The following TFEC variants were observed in gnomAD, a reference collection of about 807,000 sequenced individuals.
TFEC encodes the protein transcription factor EC.
Under a neutral mutation model 41.6 loss-of-function variants are expected in TFEC, and 31 were observed. The ratio of observed to expected loss-of-function variants is 0.74; its 90% CI spans 0.56 to 1.01. The LOEUF is 1.01. Ranked by LOEUF, TFEC falls within the 50% of genes least tolerant of loss-of-function variation. The pLI is 0.00. For synonymous variants in TFEC, 143 were observed against 140.6 expected (o/e 1.02, Z -0.12); for missense variants, 402 against 404.1 (o/e 0.99, Z 0.04).
chr7:116,064,012 A>G (rs1796633860), intron 3 of TFEC, among the ~76,000 whole-genome samples: 1 of 152,214 alleles, frequency 6.6e-6, no homozygotes. Flanking sequence ...TCTCACTTAT[A>G]TAGAAGATCT....
chr7:115,947,243 G>A (rs918666199), intron 6 of TFEC, among the ~76,000 whole-genome samples: 1 of 151,588 alleles, frequency 6.6e-6, no homozygotes, highest in African/African-American at 2.4e-5. Flanking sequence ...TACAAAGGAT[G>A]TGAACTCATC....
Position 115,940,491 on chromosome 7 carries a change from T to C in TFEC, c.*60A>G. On this transcript the variant is annotated 3_prime_UTR_variant, in exon 8 of 8. Transcript: ENST00000265440. ...AAAGCAACATATGAAACACAGAGCATAATTGCATAGCACCAGCATAGAATT... is the reference window on the plus strand; with the variant it reads ...AAAGCAACATATGAAACACAGAGCACAATTGCATAGCACCAGCATAGAATT... The C allele has an allele frequency of 1.3e-6, 2 of 1,522,278 alleles. No homozygotes were observed. The highest frequency in any genetic ancestry group is 1.8e-6 in the Non-Finnish European group (2 of 1,131,788). The allele number at this position is 1,522,278 out of a possible 1,614,324, so 94.3% of individuals were successfully genotyped here.
At chr7:116,148,631 AAAG>A (rs1349185962) in intron 1 of TFEC, among the ~76,000 whole-genome samples, 1 of 152,196 alleles carries the variant, frequency 6.6e-6, no homozygotes, top group Non-Finnish European at 1.5e-5. Flanking sequence ...TACTGGAAAA[AAAG>A]AAGGGATCTT....
intron 5 of TFEC, 58 bp downstream of exon 5, chr7:115,954,528 C>G: frequency 6.8e-7 from 1 of 1,460,010 alleles, no homozygotes; most frequent in South Asian, 1.2e-5. Flanking sequence ...AGACCACACA[C>G]CTTAACCTCT....
intron 3 of TFEC, among the ~76,000 whole-genome samples, chr7:116,044,006 C>T (rs1796100841): frequency 6.6e-6 from 1 of 152,096 alleles, no homozygotes; most frequent in Non-Finnish European, 1.5e-5. Context: ...TCTCAGCTGC[C>T]ATGTAATTCT....
intron 1 of TFEC, among the ~76,000 whole-genome samples, chr7:116,008,744 T>G (rs1293927747): frequency 6.6e-6 from 1 of 152,174 alleles, no homozygotes; most frequent in Non-Finnish European, 1.5e-5. Flanking sequence ...AAACTTAAAT[T>G]ATACAGTCGA....
At chr7:116,151,431 T>G (rs1798758594) in intron 1 of TFEC, among the ~76,000 whole-genome samples, 1 of 151,780 alleles carries the variant, frequency 6.6e-6, no homozygotes, top group African/African-American at 2.4e-5. Flanking sequence ...TTAGTATAGA[T>G]GGGGTTTCAT....
chr7:115,968,374 G>T (rs893797329), intron 3 of TFEC: 4 of 1,338,842 alleles, frequency 3.0e-6, no homozygotes, highest in African/African-American at 3.0e-5. Flanking sequence ...ATTGACAAAA[G>T]CTTGCTCACT....
At chr7:116,104,026 T>C (rs981934905) in intron 3 of TFEC, among the ~76,000 whole-genome samples, 3 of 152,136 alleles carry the variant, frequency 2.0e-5, no homozygotes, top group African/African-American at 7.2e-5. Flanking sequence ...TGTTTCAAGA[T>C]AAGTAAAAGG....
chr7:116,057,732 A>G (rs1478546951), intron 3 of TFEC, among the ~76,000 whole-genome samples: 3 of 151,840 alleles, frequency 2.0e-5, no homozygotes, highest in Non-Finnish European at 2.9e-5. Flanking sequence ...AGTAAGATTA[A>G]CGAAAAAATA....
chr7:115,954,105 G>C (rs1439275519), intron 5 of TFEC, among the ~76,000 whole-genome samples: 1 of 151,944 alleles, frequency 6.6e-6, no homozygotes, highest in Non-Finnish European at 1.5e-5. Context: ...CCTTAGGAAG[G>C]CATGAGGGCT....
At chr7:116,062,225 CTTTTTTTTTTTTT>C (rs569480964) in intron 3 of TFEC, among the ~76,000 whole-genome samples, 10 of 51,902 alleles carry the variant, frequency 1.9e-4, no homozygotes, top group African/African-American at 6.7e-4. Context: ...CATGCCTGGC[CTTTTTTTTTTTTT>C]TTTTTTTTTT....
intron 3 of TFEC, among the ~76,000 whole-genome samples, chr7:116,037,693 T>A (rs780000544): frequency 2.6e-5 from 4 of 151,986 alleles, no homozygotes; most frequent in Non-Finnish European, 5.9e-5. Context: ...ATTTAATAAC[T>A]ACAAATTATC....
chr7:116,002,571 A>G (rs914495660), intron 1 of TFEC, among the ~76,000 whole-genome samples: 1 of 152,164 alleles, frequency 6.6e-6, no homozygotes, highest in Non-Finnish European at 1.5e-5. Flanking sequence ...GGATACCAAC[A>G]TATCATTAGA....
intron 1 of TFEC, among the ~76,000 whole-genome samples, chr7:116,030,179 T>C (rs547208904): frequency 1.3e-4 from 20 of 152,324 alleles, no homozygotes; most frequent in African/African-American, 4.6e-4. Context: ...TATATGCTAA[T>C]ATACTATCTG....
chr7:116,018,510 G>T (rs909786025), intron 1 of TFEC, among the ~76,000 whole-genome samples: 1 of 152,156 alleles, frequency 6.6e-6, no homozygotes, highest in East Asian at 1.9e-4. Flanking sequence ...TTAAGTAAGT[G>T]ACTGAAAAAA....
intron 3 of TFEC, chr7:116,110,641 C>A: frequency 9.1e-7 from 1 of 1,102,630 alleles, no homozygotes; most frequent in Non-Finnish European, 1.2e-6. Context: ...TTAAAACAGA[C>A]AGATTTTCAG....
chr7:116,004,668 A>T (rs1350392332), intron 1 of TFEC, among the ~76,000 whole-genome samples: 2 of 152,214 alleles, frequency 1.3e-5, no homozygotes, highest in African/African-American at 4.8e-5. Context: ...CCAAAGAACC[A>T]GGGGCAGTAT....
Position 116,015,572 on chromosome 7 carries a change from A to T in TFEC, c.-73+15061T>A, listed in dbSNP as rs147732574. Among the ~76,000 whole-genome samples, 5 of 152,242 alleles carry T rather than the reference A, an allele frequency of 3.3e-5. No homozygotes were observed. In the East Asian group the frequency reaches 7.7e-4, roughly 23 times the overall value. On this transcript the variant is annotated intron_variant, in intron 1 of 7. Coordinates refer to ENST00000265440, the MANE Select transcript of TFEC (RefSeq NM_012252.4). ...AGAAATATCCCTCAGGCAATAATAT[A>T]AAGGGGGAGTTATTGAAAGACCTTA...
Sources: allele counts gnomAD v4.1 joint callset (sites outside exome capture counted in the v4.1 genomes callset), GRCh38; gene constraint gnomAD v4.1.1; transcripts MANE v1.5; gene names NCBI Gene and HGNC (gene_info 2026-07-23, HGNC 2026-07-21).